PPP2R2B: variants seen among roughly 807,000 people sequenced by gnomAD.
The protein encoded by PPP2R2B is protein phosphatase 2 regulatory subunit Bbeta.
Under a neutral mutation model 46.0 loss-of-function variants are expected in PPP2R2B, and 5 were observed. The observed-to-expected ratio is 0.11, with a 90% CI of 0.06 to 0.23. The LOEUF (loss-of-function observed/expected upper bound fraction) is 0.23, where lower values mean the gene tolerates loss of function less well. PPP2R2B is among the 10% of genes least tolerant of loss of function. The pLI is 1.00. For synonymous variants in PPP2R2B, 215 were observed against 206.7 expected (o/e 1.04, Z -0.34); for missense variants, 367 against 575.0 (o/e 0.64, Z 3.70).
intron 1 of PPP2R2B, among the ~76,000 whole-genome samples, chr5:146,910,374 A>G (rs139655628): frequency 5.8e-4 from 88 of 152,356 alleles, no homozygotes; most frequent in African/African-American, 2.0e-3. Context: ...CAAGGATGAG[A>G]CAAGTGTAGT....
At chr5:146,907,726 C>A (rs1422479636) in intron 1 of PPP2R2B, among the ~76,000 whole-genome samples, 1 of 152,214 alleles carries the variant, frequency 6.6e-6, no homozygotes, top group Non-Finnish European at 1.5e-5. Context: ...TTTTCCCATA[C>A]CACTTTCATT....
intron 1 of PPP2R2B, among the ~76,000 whole-genome samples, chr5:146,972,665 T>A (rs1752712465): frequency 6.6e-6 from 1 of 152,148 alleles, no homozygotes; most frequent in Non-Finnish European, 1.5e-5. Flanking sequence ...TCAGCTGAGA[T>A]CATGCCATTG....
chr5:146,741,739 T>A (rs1233882944), intron 2 of PPP2R2B, among the ~76,000 whole-genome samples: 1 of 152,208 alleles, frequency 6.6e-6, no homozygotes, highest in African/African-American at 2.4e-5. Context: ...CAGTACACAA[T>A]TTTAGGCCAC....
intron 1 of PPP2R2B, among the ~76,000 whole-genome samples, chr5:146,884,601 G>A (rs1208069246): frequency 6.6e-6 from 1 of 152,142 alleles, no homozygotes; most frequent in Non-Finnish European, 1.5e-5. Context: ...TGTCTAGTTA[G>A]GATATTGATG....
intron 6 of PPP2R2B, among the ~76,000 whole-genome samples, chr5:146,649,069 G>C (rs1484898922): frequency 2.0e-5 from 3 of 152,248 alleles, no homozygotes; most frequent in Non-Finnish European, 4.4e-5. Flanking sequence ...ATGGAGACCA[G>C]ATGAGATTAT....
chr5:146,683,537 A>C (rs1461081481), intron 5 of PPP2R2B, among the ~76,000 whole-genome samples: 1 of 152,236 alleles, frequency 6.6e-6, no homozygotes, highest in African/African-American at 2.4e-5. Flanking sequence ...TAGCCAATGC[A>C]TGCAAAATGT....
At chr5:146,940,739 T>C (rs1329801334) in intron 1 of PPP2R2B, among the ~76,000 whole-genome samples, 1 of 152,182 alleles carries the variant, frequency 6.6e-6, no homozygotes, top group Non-Finnish European at 1.5e-5. Flanking sequence ...ATCTTCCAAA[T>C]CACACTAGGT....
intron 1 of PPP2R2B, among the ~76,000 whole-genome samples, chr5:147,049,861 G>A (rs1168465283): frequency 6.6e-6 from 1 of 152,226 alleles, no homozygotes; most frequent in Non-Finnish European, 1.5e-5. Context: ...CAGAGGAGAG[G>A]TGGTGACAGT....
intron 2 of PPP2R2B, among the ~76,000 whole-genome samples, chr5:146,714,700 A>G (rs575816189): frequency 2.7e-4 from 41 of 152,306 alleles, no homozygotes; most frequent in African/African-American, 8.4e-4. Flanking sequence ...CTCTTCATAT[A>G]AGGTTTAACA....
At chr5:146,926,845 A>G (rs140516127) in intron 1 of PPP2R2B, among the ~76,000 whole-genome samples, 1,706 of 152,266 alleles carry the variant, frequency 0.011, 30 homozygotes, top group African/African-American at 0.039. Context: ...CCATATGCAC[A>G]GCCTCAGCCA....
At chr5:146,749,839 C>T (rs1753442229) in intron 2 of PPP2R2B, among the ~76,000 whole-genome samples, 1 of 152,160 alleles carries the variant, frequency 6.6e-6, no homozygotes, top group Non-Finnish European at 1.5e-5. Flanking sequence ...ACCTCGTGAT[C>T]TGCCTGCCTT....
intron 1 of PPP2R2B, among the ~76,000 whole-genome samples, chr5:147,001,793 G>C (rs1215778333): frequency 6.6e-6 from 1 of 152,050 alleles, no homozygotes; most frequent in Non-Finnish European, 1.5e-5. Flanking sequence ...CTAAAGACGC[G>C]GGTGCCAGGC....
intron 7 of PPP2R2B, among the ~76,000 whole-genome samples, chr5:146,627,875 T>A (rs1774164618): frequency 1.3e-5 from 2 of 152,170 alleles, no homozygotes; most frequent in South Asian, 4.1e-4. Flanking sequence ...GGACTGGGCA[T>A]CAAACTTTGC....
intron 1 of PPP2R2B, among the ~76,000 whole-genome samples, chr5:146,892,588 G>A (rs988175774): frequency 6.6e-6 from 1 of 151,926 alleles, no homozygotes; most frequent in Non-Finnish European, 1.5e-5. Context: ...TCCAAGCCAC[G>A]CTCCTCACTA....
intron 1 of PPP2R2B, among the ~76,000 whole-genome samples, chr5:147,008,367 A>C (rs1475399449): frequency 2.0e-5 from 3 of 152,184 alleles, no homozygotes; most frequent in Non-Finnish European, 4.4e-5. Flanking sequence ...ATAAATGTTA[A>C]TTTATTCATA....
intron 1 of PPP2R2B, among the ~76,000 whole-genome samples, chr5:147,034,041 C>T (rs565570796): frequency 6.7e-6 from 1 of 149,776 alleles, no homozygotes; most frequent in East Asian, 2.6e-4. Flanking sequence ...CATATATGGC[C>T]TAGCGCCTAC....
rs1265803359 is a variant in PPP2R2B, at chr5:146,586,388, C to G, written c.*3559G>C. The stretch of plus-strand genomic sequence containing the variant: ...TTTCTTGAGCCCTGCAGGCAGCTAG[C>G]AAAGGGACTGAAAAAGAAATGAGGC... On this transcript the variant is annotated 3_prime_UTR_variant, in exon 10 of 10. Coordinates refer to ENST00000394411, the MANE Select transcript of PPP2R2B (RefSeq NM_181675.4). 1 of 152,122 alleles carries G rather than the reference C, an allele frequency of 6.6e-6. No homozygotes were observed. 9.4% of individuals were successfully genotyped at this position (152,122 alleles called of 1,614,324 possible). A position where few individuals can be genotyped will look rare whatever the true frequency, so the allele number is the denominator to read the frequency against.
intron 1 of PPP2R2B, among the ~76,000 whole-genome samples, chr5:147,044,206 G>A (rs755221612): frequency 1.3e-5 from 2 of 152,024 alleles, no homozygotes; most frequent in Non-Finnish European, 2.9e-5. Flanking sequence ...TGTGGAAAGG[G>A]CCTCAGGTTT....
intron 1 of PPP2R2B, among the ~76,000 whole-genome samples, chr5:146,934,427 G>A (rs1186494420): frequency 6.6e-6 from 1 of 151,344 alleles, no homozygotes; most frequent in Non-Finnish European, 1.5e-5. Context: ...TTTCTCTGAT[G>A]GCCAGTGATG....
Sources: gnomAD v4.1 joint callset for allele counts (sites outside exome capture counted in the v4.1 genomes callset) on GRCh38, gnomAD v4.1.1 for gene constraint, MANE v1.5 for transcripts, NCBI Gene and HGNC (gene_info 2026-07-23, HGNC 2026-07-21) for gene names.